The following MFAP2 variants were observed in gnomAD, a reference collection of about 807,000 sequenced individuals.
MFAP2 encodes microfibrillar-associated protein 2.
Under a neutral mutation model 30.6 loss-of-function variants are expected in MFAP2, and 23 were observed. The observed-to-expected ratio is 0.75, with a 90% CI of 0.54 to 1.07. The LOEUF (loss-of-function observed/expected upper bound fraction) is 1.07. Among genes scored for constraint, MFAP2 ranks in the 50% least tolerant of loss-of-function variants. The probability of loss-of-function intolerance (pLI) is 0.00; values close to 1 mark genes in which losing one functional copy is unlikely to be tolerated. For missense variants in MFAP2, 198 were observed against 223.8 expected (o/e 0.88, Z 0.74); for synonymous variants, 73 against 85.7 (o/e 0.85, Z 0.82).
rs2076574711 is a variant in MFAP2 at position 16,974,772 on chromosome 1, C to T, written c.*148G>A. The T allele has an allele frequency of 2.5e-6, 1 of 394,558 alleles. No individual in the cohort carries two copies. The highest frequency in any genetic ancestry group is 4.3e-6 in the Non-Finnish European group (1 of 233,876). 24.4% of individuals were successfully genotyped at this position (394,558 alleles called of 1,614,324 possible). A position where few individuals can be genotyped will look rare whatever the true frequency, so the allele number is the denominator to read the frequency against. On this transcript the variant is annotated 3_prime_UTR_variant, in exon 9 of 9. Transcript: ENST00000375535. ...CACAGGCTGAAGGAGGGGCCTGAGGCACCGCAGCCTGCAACCCCCAGGGCT... is the reference window on the plus strand; with the variant it reads ...CACAGGCTGAAGGAGGGGCCTGAGGTACCGCAGCCTGCAACCCCCAGGGCT...
At chr1:16,981,429 C>G (rs2076637460), upstream of MFAP2, among the ~76,000 whole-genome samples, 1 of 152,206 alleles carries the variant, frequency 6.6e-6, no homozygotes, top group South Asian at 2.1e-4. Flanking sequence ...CCAGTCCCCC[C>G]TTGGCCCCGC....
At position 16,975,428 on chromosome 1, in the gene MFAP2, C is replaced by T. The variant is rs554291153; in HGVS notation, c.375-86G>A. On this transcript the variant is annotated intron_variant, in intron 7 of 8. Coordinates refer to ENST00000375535, the MANE Select transcript of MFAP2 (RefSeq NM_002403.4). This position sits in a 1 kb window ranked among gnomAD's most constrained non-coding sequence, Gnocchi z 5.0. ...CCAGACAGAACCTGGCACGGGAGCCCGGACAGAACCTGGCACGGGAGCCCG... is the reference window on the plus strand; with the variant it reads ...CCAGACAGAACCTGGCACGGGAGCCTGGACAGAACCTGGCACGGGAGCCCG... 1.8e-5 allele frequency: 17 copies of T among 947,598 alleles called. No individual in the cohort carries two copies. The Admixed American group carries it at 2.3e-4, about 13-fold the overall frequency. The allele number at this position is 947,598 out of a possible 1,614,324, so 58.7% of individuals were successfully genotyped here.
At position 16,975,453 on chromosome 1, in the gene MFAP2, G is replaced by A. The variant is rs1460158515; in HGVS notation, c.375-111C>T. The A allele has an allele frequency of 3.4e-6, 3 of 881,628 alleles. No homozygotes were observed. Among genetic ancestry groups the A allele is most frequent in the Non-Finnish European group, 4.7e-6 (3 of 632,540 alleles). The allele number at this position is 881,628 out of a possible 1,614,324, so 54.6% of individuals were successfully genotyped here. ...CGGACAGAACCTGGCACGGGAGCCCGGACAGAACCTGGCACTGGAGCCCAG... is the reference window on the plus strand; with the variant it reads ...CGGACAGAACCTGGCACGGGAGCCCAGACAGAACCTGGCACTGGAGCCCAG... On this transcript the variant is annotated intron_variant, in intron 7 of 8. Coordinates refer to ENST00000375535, the MANE Select transcript of MFAP2 (RefSeq NM_002403.4). This position sits in a 1 kb window ranked among gnomAD's most constrained non-coding sequence, Gnocchi z 5.0.
chr1:16,976,223 G>A lies in MFAP2; in HGVS notation c.286+278C>T. ...ACTCAGTCTCTCTGGCTGGCAGGAA[G>A]CCCCCAGCACACTCCCTGCCCCTCC... On this transcript the variant is annotated intron_variant, in intron 6 of 8. Coordinates refer to ENST00000375535, the MANE Select transcript of MFAP2 (RefSeq NM_002403.4). This position sits in a 1 kb window ranked among gnomAD's most constrained non-coding sequence, Gnocchi z 5.5. 1.7e-6 allele frequency: 1 copy of A among 578,806 alleles called. No homozygotes were observed. Among genetic ancestry groups the A allele is most frequent in the Non-Finnish European group, 3.1e-6 (1 of 323,940 alleles). 35.9% of individuals were successfully genotyped at this position (578,806 alleles called of 1,614,324 possible). A position where few individuals can be genotyped will look rare whatever the true frequency, so the allele number is the denominator to read the frequency against.
chr1:16,976,031 C>A lies in MFAP2; in HGVS notation c.287-301G>T. On this transcript the variant is annotated intron_variant, in intron 6 of 8. Transcript: ENST00000375535. The surrounding 1 kb of genome is among the most constrained non-coding windows in gnomAD (Gnocchi z 5.5). ...ACTCCCGAGCAGACGTGCCCACGCT[C>A]ACAGAAGCCCACATAGGAGCGCTCA... The A allele has an allele frequency of 2.1e-6, 1 of 477,330 alleles. No individual in the cohort carries two copies. The highest frequency in any genetic ancestry group is 3.8e-6 in the Non-Finnish European group (1 of 263,968). 29.6% of individuals were successfully genotyped at this position (477,330 alleles called of 1,614,324 possible). A position where few individuals can be genotyped will look rare whatever the true frequency, so the allele number is the denominator to read the frequency against.
At chr1:16,978,681 C>A (rs941136014) in intron 1 of MFAP2, among the ~76,000 whole-genome samples, 1 of 152,222 alleles carries the variant, frequency 6.6e-6, no homozygotes, top group African/African-American at 2.4e-5. Flanking sequence ...GGCCCAGTGG[C>A]TCCCTGGGTG....
At chr1:16,978,892 G>A (rs968714113) in intron 1 of MFAP2, 7 of 152,308 alleles carry the variant, frequency 4.6e-5, no homozygotes, top group Admixed American at 3.3e-4. Flanking sequence ...CGGCCAGGCC[G>A]GGCAGGGCTC....
At chr1:16,981,361 A>G (rs1259843087), upstream of MFAP2, among the ~76,000 whole-genome samples, 1 of 152,162 alleles carries the variant, frequency 6.6e-6, no homozygotes, top group African/African-American at 2.4e-5. Context: ...TTCAACAAGC[A>G]TCCAAGTCCA....
At position 16,975,568 on chromosome 1, in the gene MFAP2, G is replaced by T; in HGVS notation, c.374+75C>A. 1 of 1,478,300 alleles carries T rather than the reference G, an allele frequency of 6.8e-7. No individual in the cohort carries two copies. 91.6% of individuals were successfully genotyped at this position (1,478,300 alleles called of 1,614,324 possible). On this transcript the variant is annotated intron_variant, in intron 7 of 8. Coordinates refer to ENST00000375535, the MANE Select transcript of MFAP2 (RefSeq NM_002403.4). The surrounding 1 kb of genome is among the most constrained non-coding windows in gnomAD (Gnocchi z 5.0). Reference sequence around the variant, plus strand: ...CTTTCCTCCAACTCCCACCTTGGCGGGCCAGAGCTGTCCCCTGTGCCCTCT... The same window carrying T: ...CTTTCCTCCAACTCCCACCTTGGCGTGCCAGAGCTGTCCCCTGTGCCCTCT...
In MFAP2 at chr1:16,977,556, G is replaced by A. The variant is rs115117076; in HGVS notation, c.38-358C>T. The A allele has an allele frequency of 2.6e-3, 587 of 228,452 alleles. 4 individuals carry two copies. The highest frequency in any genetic ancestry group is 0.013 in the African/African-American group (555 of 44,094). The allele number at this position is 228,452 out of a possible 1,614,324, so 14.2% of individuals were successfully genotyped here. A position where few individuals can be genotyped will look rare whatever the true frequency, so the allele number is the denominator to read the frequency against. On this transcript the variant is annotated intron_variant, in intron 2 of 8. Transcript: ENST00000375535. ...GGAATTTCAGCTGTGCCAAGATGCC[G>A]CCCCACCTCCAGCCCACCAGCCCTC...
In MFAP2 at chr1:16,977,948, G is replaced by C; in HGVS notation, c.37+289C>G. The C allele has an allele frequency of 1.1e-5, 4 of 375,444 alleles. No homozygotes were observed. The East Asian group carries it at 2.1e-4, about 20-fold the overall frequency. 23.3% of individuals were successfully genotyped at this position (375,444 alleles called of 1,614,324 possible). ...CCCTGCACCTGCACATCGGCTCCCA[G>C]AGAGGCCTTGTGCCTTGTGCCCACG... On this transcript the variant is annotated intron_variant, in intron 2 of 8. Coordinates refer to ENST00000375535, the MANE Select transcript of MFAP2 (RefSeq NM_002403.4).
In MFAP2 at chr1:16,976,519, T is replaced by G; in HGVS notation, c.268A>C (p.Thr90Pro). 6.2e-7 allele frequency: 1 copy of G among 1,614,220 alleles called. No individual in the cohort carries two copies. Among genetic ancestry groups the G allele is most frequent in the Non-Finnish European group, 8.5e-7 (1 of 1,180,032 alleles). Residue 90 changes from threonine to proline, a missense_variant, in exon 6 of 9, where the codon ACA becomes CCA. Transcript: ENST00000375535. The surrounding 1 kb of genome is among the most constrained non-coding windows in gnomAD (Gnocchi z 5.5). The stretch of plus-strand genomic sequence containing the variant: ...CCCTTACCAAGAGGCCCAGGCTCTG[T>G]GGGCTCCAGCTCTGCATTTCCTGGT... ...PEPGNAELEP[T>P]EPGPLDCREE...
rs1003843414 is a variant in MFAP2 at position 16,976,293 on chromosome 1, C to T, written c.286+208G>A. 3 of 640,958 alleles carry T rather than the reference C, an allele frequency of 4.7e-6. No homozygotes were observed. Among genetic ancestry groups the T allele is most frequent in the East Asian group, 2.7e-5 (1 of 36,794 alleles). 39.7% of individuals were successfully genotyped at this position (640,958 alleles called of 1,614,324 possible). A position where few individuals can be genotyped will look rare whatever the true frequency, so the allele number is the denominator to read the frequency against. On this transcript the variant is annotated intron_variant, in intron 6 of 8. Transcript: ENST00000375535. This position sits in a 1 kb window ranked among gnomAD's most constrained non-coding sequence, Gnocchi z 5.5. ...GGCCTTCCTAGGCTGCCAATTTAGC[C>T]TCCAGCCAGGCACACTGGGGACAGG...
Position 16,975,014 on chromosome 1 carries a change from CAG to C in MFAP2, c.456_457del (p.Cys153SerfsTer52). 1.2e-6 allele frequency: 1 copy of C among 813,872 alleles called. No individual in the cohort carries two copies. Among genetic ancestry groups the C allele is most frequent in the Non-Finnish European group, 2.1e-6 (1 of 479,582 alleles). The allele number at this position is 813,872 out of a possible 1,614,324, so 50.4% of individuals were successfully genotyped here. The stretch of plus-strand genomic sequence containing the variant: ...GCCACATTTGGAGAACTTGTCCCGA[CAG>C]AGGTCAGCTATTGGGGGCAGGAAGG... On this transcript the variant is annotated frameshift_variant, in exon 9 of 9. Coordinates refer to ENST00000375535, the MANE Select transcript of MFAP2 (RefSeq NM_002403.4). LOFTEE classifies it high-confidence loss of function. This position sits in a 1 kb window ranked among gnomAD's most constrained non-coding sequence, Gnocchi z 5.0.
In MFAP2 at chr1:16,975,359, CG is replaced by C. The variant is rs775177573; in HGVS notation, c.375-18del. 3 of 1,611,890 alleles carry C rather than the reference CG, an allele frequency of 1.9e-6. No individual in the cohort carries two copies. The highest frequency in any genetic ancestry group is 2.7e-5 in the African/African-American group (2 of 74,862). On this transcript the variant is annotated intron_variant, in intron 7 of 8. Transcript: ENST00000375535. The surrounding 1 kb of genome is among the most constrained non-coding windows in gnomAD (Gnocchi z 5.0). Reference sequence around the variant, plus strand: ...CGGCGGAGGCTGCGGGGACAGGGCACGGGAGGTCTCAGCCCCACTTCCACCC... The same window carrying C: ...CGGCGGAGGCTGCGGGGACAGGGCACGGAGGTCTCAGCCCCACTTCCACCC...
At chr1:16,977,025 TC>T in intron 3 of MFAP2, 83 bp downstream of exon 3, 1 of 1,612,316 alleles carries the variant, frequency 6.2e-7, no homozygotes, top group Admixed American at 1.7e-5. Context: ...CCCCCAGAGT[TC>T]CCATCAGCGT....
chr1:16,976,546 C>G lies in MFAP2; in HGVS notation c.242-1G>C, dbSNP rs774662396. The G allele has an allele frequency of 6.2e-6, 10 of 1,614,078 alleles. No individual in the cohort carries two copies. The highest frequency in any genetic ancestry group is 7.6e-6 in the Non-Finnish European group (9 of 1,180,028). ...GGCTCCAGCTCTGCATTTCCTGGTT[C>G]TGGTGTGGAGACAGAGGTAGGCAGA... On this transcript the variant is annotated splice_acceptor_variant, in intron 5 of 8. Coordinates refer to ENST00000375535, the MANE Select transcript of MFAP2 (RefSeq NM_002403.4). LOFTEE classifies it high-confidence loss of function. This position sits in a 1 kb window ranked among gnomAD's most constrained non-coding sequence, Gnocchi z 5.5.
chr1:16,977,163 G>A lies in MFAP2; in HGVS notation c.73C>T (p.Pro25Ser). 1 of 1,613,550 alleles carries A rather than the reference G, an allele frequency of 6.2e-7. No homozygotes were observed. The highest frequency in any genetic ancestry group is 2.2e-5 in the East Asian group (1 of 44,870). The change falls in exon 3 of 9, where the codon CCG (proline) becomes TCG (serine). Residue 25 changes from proline to serine, a missense_variant. By Grantham distance (74) the Pro-to-Ser change is moderately conservative. Coordinates refer to ENST00000375535, the MANE Select transcript of MFAP2 (RefSeq NM_002403.4). Reference protein sequence around the residue: ...LLAQGQYDLDPLPPFPDHVQY... With the variant: ...LLAQGQYDLDSLPPFPDHVQY... ...ACGTGGTCAGGGAACGGCGGCAGCG[G>A]GTCCAGGTCATACTGGCCCTGAGCC... is the stretch of plus-strand genomic sequence containing the variant.
In MFAP2 at chr1:16,976,162, C is replaced by T. The variant is rs2076589706; in HGVS notation, c.286+339G>A. ...CGGAGGGCACCGCTCAGCCAGCCTGCACTCCCTGGCCCTTCCTCGCCTCCA... is the reference window on the plus strand; with the variant it reads ...CGGAGGGCACCGCTCAGCCAGCCTGTACTCCCTGGCCCTTCCTCGCCTCCA... On this transcript the variant is annotated intron_variant, in intron 6 of 8. Coordinates refer to ENST00000375535, the MANE Select transcript of MFAP2 (RefSeq NM_002403.4). The surrounding 1 kb of genome is among the most constrained non-coding windows in gnomAD (Gnocchi z 5.5). 1 of 520,010 alleles carries T rather than the reference C, an allele frequency of 1.9e-6. No individual in the cohort carries two copies. 32.2% of individuals were successfully genotyped at this position (520,010 alleles called of 1,614,324 possible). A position where few individuals can be genotyped will look rare whatever the true frequency, so the allele number is the denominator to read the frequency against.
Sources: gnomAD v4.1 joint callset for allele counts (sites outside exome capture counted in the v4.1 genomes callset) on GRCh38, gnomAD v4.1.1 for gene constraint, Gnocchi (gnomAD v3.1) non-coding constraint, MANE v1.5 for transcripts, NCBI Gene and HGNC (gene_info 2026-07-23, HGNC 2026-07-21) for gene names.